RRM2: variants seen among roughly 807,000 people sequenced by gnomAD.
RRM2 encodes the protein ribonucleoside-diphosphate reductase subunit M2.
Under a neutral mutation model 45.9 loss-of-function variants are expected in RRM2, and 6 were observed. The ratio of observed to expected loss-of-function variants is 0.13; its 90% CI spans 0.07 to 0.26. The LOEUF (loss-of-function observed/expected upper bound fraction) is 0.26, where lower values mean the gene tolerates loss of function less well. Ranked by LOEUF, RRM2 falls within the 10% of genes least tolerant of loss-of-function variation. RRM2 has a pLI of 1.00. For missense variants in RRM2, 343 were observed against 489.5 expected, an observed-to-expected ratio of 0.70 and a Z score of 2.82; for synonymous variants, 177 against 173.0, an observed-to-expected ratio of 1.02 and a Z score of -0.18.
chr2:10,188,046 G>A (rs1042175782), intron 3 of RRM2, among the ~76,000 whole-genome samples: 4 of 152,212 alleles, frequency 2.6e-5, no homozygotes, highest in Non-Finnish European at 4.4e-5. Flanking sequence ...GGGTTCCGAT[G>A]CCCCTCGAGT....
rs975431175 is a variant in RRM2, at chr2:10,205,501, G to T, written n.483-4810G>T. Among the ~76,000 whole-genome samples the T allele has an allele frequency of 1.3e-5, 2 of 152,106 alleles. No homozygotes were observed. Among genetic ancestry groups the T allele is most frequent in the African/African-American group, 2.4e-5 (1 of 41,414 alleles). On this transcript the variant is annotated intron_variant and non_coding_transcript_variant, in intron 3 of 3. Coordinates refer to the RRM2 transcript ENST00000381786. The surrounding 1 kb of genome is among the most constrained non-coding windows in gnomAD (Gnocchi z 4.8). Reference sequence around the variant, plus strand: ...CGTGGACACTCGGAGGTGGGGGAAGGCTCTGTTCTTTTACTTTTCTGGTTC... The same window carrying T: ...CGTGGACACTCGGAGGTGGGGGAAGTCTCTGTTCTTTTACTTTTCTGGTTC...
intron 3 of RRM2, among the ~76,000 whole-genome samples, chr2:10,208,121 A>G (rs1221942294): frequency 6.6e-6 from 1 of 152,234 alleles, no homozygotes; most frequent in Non-Finnish European, 1.5e-5. Flanking sequence ...AATTGGGAAG[A>G]GAAAAGAGAG....
downstream of RRM2, among the ~76,000 whole-genome samples, chr2:10,134,561 G>A (rs2125309941): frequency 6.6e-6 from 1 of 152,352 alleles, no homozygotes; most frequent in East Asian, 1.9e-4. Flanking sequence ...TTGATCCCTA[G>A]CCTGGTTGCA....
intron 3 of RRM2, among the ~76,000 whole-genome samples, chr2:10,186,663 G>A (rs1664174496): frequency 6.6e-6 from 1 of 152,210 alleles, no homozygotes; most frequent in South Asian, 2.1e-4. Flanking sequence ...TTGAGCAGTG[G>A]TCGAGAGATT....
chr2:10,199,805 A>AC (rs1664507532), intron 3 of RRM2, among the ~76,000 whole-genome samples: 2 of 143,992 alleles, frequency 1.4e-5, no homozygotes, highest in African/African-American at 5.3e-5. Flanking sequence ...AAAAAAAAAA[A>AC]AAAACAAATC....
chr2:10,196,825 C>T (rs1057252548), intron 3 of RRM2, among the ~76,000 whole-genome samples: 3 of 152,244 alleles, frequency 2.0e-5, no homozygotes, highest in African/African-American at 7.2e-5. Flanking sequence ...ATGCCAGGGC[C>T]TCAGAGTGAA....
chr2:10,204,621 C>T lies in RRM2; in HGVS notation n.483-5690C>T, dbSNP rs539838210. Among the ~76,000 whole-genome samples the T allele has an allele frequency of 4.6e-5, 7 of 152,372 alleles. No homozygotes were observed. The South Asian group carries it at 1.4e-3, about 32-fold the overall frequency. ...GCAGCTAGCTGGGAGCATCCGAGGCCATTAGGGACAGGACGCTAATGCATC... is the reference window on the plus strand; with the variant it reads ...GCAGCTAGCTGGGAGCATCCGAGGCTATTAGGGACAGGACGCTAATGCATC... On this transcript the variant is annotated intron_variant and non_coding_transcript_variant, in intron 3 of 3. Transcript: ENST00000381786. The surrounding 1 kb of genome is among the most constrained non-coding windows in gnomAD (Gnocchi z 4.0).
Position 10,127,389 on chromosome 2 carries a change from A to G in RRM2, c.798+169A>G, listed in dbSNP as rs1402059511. 1.1e-5 allele frequency: 7 copies of G among 664,526 alleles called. No individual in the cohort carries two copies. Among genetic ancestry groups the G allele is most frequent in the Admixed American group, 3.0e-5 (1 of 33,194 alleles). The allele number at this position is 664,526 out of a possible 1,614,324, so 41.2% of individuals were successfully genotyped here. A position where few individuals can be genotyped will look rare whatever the true frequency, so the allele number is the denominator to read the frequency against. ...AAGAAGGAAATACTTTCATTTACTG[A>G]AACTGTTTTACTTGCATTCTCAATA... is the stretch of plus-strand genomic sequence containing the variant. On this transcript the variant is annotated intron_variant, in intron 7 of 9. Coordinates refer to ENST00000304567, the MANE Select transcript of RRM2 (RefSeq NM_001034.4). This position sits in a 1 kb window ranked among gnomAD's most constrained non-coding sequence, Gnocchi z 4.1.
intron 3 of RRM2, among the ~76,000 whole-genome samples, chr2:10,150,411 C>T (rs192181778): frequency 2.2e-4 from 32 of 148,444 alleles, no homozygotes; most frequent in African/African-American, 7.7e-4. Context: ...CACGCCACTG[C>T]ACTCCAACCT....
At chr2:10,155,899 A>G (rs894872572) in intron 3 of RRM2, 1 of 152,254 alleles carries the variant, frequency 6.6e-6, no homozygotes, top group African/African-American at 2.4e-5. Flanking sequence ...TGTTGAGGAT[A>G]AGGAGGCTAC....
chr2:10,174,453 C>T lies in RRM2; in HGVS notation n.482+32078C>T, dbSNP rs576176754. On this transcript the variant is annotated intron_variant and non_coding_transcript_variant, in intron 3 of 3. Coordinates refer to the RRM2 transcript ENST00000381786. ...GAAGCTCTCCCAGCTCTGTGTCCCC[C>T]GCCAAAGCAGGCCCACAAGCGAGCG... is the stretch of plus-strand genomic sequence containing the variant. 3.7e-3 allele frequency among the ~76,000 whole-genome samples: 568 copies of T among 152,176 alleles called. 2 individuals carry two copies. Among genetic ancestry groups the T allele is most frequent in the Non-Finnish European group, 6.2e-3 (419 of 68,012 alleles).
At chr2:10,150,272 C>G (rs1663278884) in intron 3 of RRM2, among the ~76,000 whole-genome samples, 1 of 151,992 alleles carries the variant, frequency 6.6e-6, no homozygotes, top group African/African-American at 2.4e-5. Flanking sequence ...ACGGTGAAAC[C>G]CCATCTCTAC....
chr2:10,143,342 C>T (rs1206844519), intron 3 of RRM2, among the ~76,000 whole-genome samples: 5 of 152,220 alleles, frequency 3.3e-5, no homozygotes, highest in Non-Finnish European at 7.3e-5. Context: ...GATTAGGGGC[C>T]TCCTCAGAGC....
At chr2:10,170,270 G>A (rs937845540) in intron 3 of RRM2, among the ~76,000 whole-genome samples, 2 of 152,190 alleles carry the variant, frequency 1.3e-5, no homozygotes, top group Non-Finnish European at 2.9e-5. Flanking sequence ...CTGAGCAGGT[G>A]GCTGGAGACA....
At chr2:10,188,270 A>G (rs528418273) in intron 3 of RRM2, among the ~76,000 whole-genome samples, 3 of 152,274 alleles carry the variant, frequency 2.0e-5, no homozygotes, top group African/African-American at 7.2e-5. Context: ...GCAGAAGGCC[A>G]CAGAATGGGG....
upstream of RRM2, chr2:10,122,637 A>G (rs895115934): frequency 6.5e-7 from 1 of 1,542,706 alleles, no homozygotes; most frequent in African/African-American, 1.4e-5. Flanking sequence ...GGTCGGAGGC[A>G]TGGCACAGCC....
chr2:10,196,955 A>G (rs1293443565), intron 3 of RRM2, among the ~76,000 whole-genome samples: 1 of 152,146 alleles, frequency 6.6e-6, no homozygotes, highest in Non-Finnish European at 1.5e-5. Context: ...AAGCACCAAC[A>G]CTGGCCTTTT....
chr2:10,127,253 A>T lies in RRM2; in HGVS notation c.798+33A>T. On this transcript the variant is annotated intron_variant, in intron 7 of 9. Coordinates refer to ENST00000304567, the MANE Select transcript of RRM2 (RefSeq NM_001034.4). This position sits in a 1 kb window ranked among gnomAD's most constrained non-coding sequence, Gnocchi z 4.1. ...TAAGTCAAATAATAGGGTGACCTAA[A>T]CCCCAAACACAACTCGGGCATGCTC... 1 of 1,600,726 alleles carries T rather than the reference A, an allele frequency of 6.2e-7. No homozygotes were observed. Among genetic ancestry groups the T allele is most frequent in the Non-Finnish European group, 8.5e-7 (1 of 1,173,794 alleles).
intron 4 of RRM2, chr2:10,124,106 C>CCCT: frequency 2.5e-6 from 1 of 397,762 alleles, no homozygotes. Context: ...CATCTGCCCC[C>CCCT]TCTTTTTTTT....
Sources: gnomAD v4.1 joint callset for allele counts (sites outside exome capture counted in the v4.1 genomes callset) on GRCh38, gnomAD v4.1.1 for gene constraint, Gnocchi (gnomAD v3.1) non-coding constraint, MANE v1.5 for transcripts, NCBI Gene and HGNC (gene_info 2026-07-23, HGNC 2026-07-21) for gene names.